LRRTM4: variants seen among roughly 807,000 people sequenced by gnomAD.
LRRTM4 encodes the protein leucine rich repeat transmembrane neuronal 4.
A neutral mutation model predicts 47.6 loss-of-function variants in LRRTM4; 25 were observed. The ratio of observed to expected loss-of-function variants is 0.53; its 90% confidence interval spans 0.38 to 0.73. The LOEUF (loss-of-function observed/expected upper bound fraction) is 0.73, where lower values mean the gene tolerates loss of function less well. Ranked by LOEUF, LRRTM4 falls within the 30% of genes least tolerant of loss-of-function variation. The pLI, the probability that LRRTM4 is intolerant of heterozygous loss-of-function variation, is 0.00. For synonymous variants in LRRTM4, 311 were observed against 269.5 expected (o/e 1.15, Z -1.51); for missense variants, 638 against 713.4 (o/e 0.89, Z 1.20).
chr2:76,755,852 G>A (rs1407176658), intron 3 of LRRTM4, among the ~76,000 whole-genome samples: 1 of 152,086 alleles, frequency 6.6e-6, no homozygotes, highest in Non-Finnish European at 1.5e-5. Flanking sequence ...CAAACTGACT[G>A]AACAGACCTT....
At chr2:77,339,851 G>A (rs774761115) in intron 3 of LRRTM4, among the ~76,000 whole-genome samples, 4 of 151,868 alleles carry the variant, frequency 2.6e-5, no homozygotes, top group African/African-American at 4.8e-5. Context: ...GGAAGCTTGC[G>A]TACTTTTATC....
At chr2:77,203,532 A>G (rs1573072560) in intron 3 of LRRTM4, among the ~76,000 whole-genome samples, 1 of 152,146 alleles carries the variant, frequency 6.6e-6, no homozygotes, top group Non-Finnish European at 1.5e-5. Flanking sequence ...GGATCCAGGA[A>G]CCCACTGCTA....
chr2:76,988,201 T>A (rs1047751453), intron 3 of LRRTM4, among the ~76,000 whole-genome samples: 2 of 151,792 alleles, frequency 1.3e-5, no homozygotes, highest in Non-Finnish European at 2.9e-5. Context: ...CGTCTTCCTA[T>A]TTTTTTGTCA....
chr2:77,081,186 A>G (rs984386931), intron 3 of LRRTM4, among the ~76,000 whole-genome samples: 6 of 151,246 alleles, frequency 4.0e-5, no homozygotes, highest in African/African-American at 1.2e-4. Context: ...CTAAGCCCCA[A>G]GAAGACAGTA....
At chr2:77,009,975 T>C (rs200462008) in intron 3 of LRRTM4, among the ~76,000 whole-genome samples, 1 of 145,634 alleles carries the variant, frequency 6.9e-6, no homozygotes, top group Non-Finnish European at 1.5e-5. Flanking sequence ...ACCCTTTTTT[T>C]AAAAAAAAAA....
intron 3 of LRRTM4, among the ~76,000 whole-genome samples, chr2:77,455,299 G>T (rs76326626): frequency 6.6e-6 from 1 of 152,248 alleles, no homozygotes; most frequent in Non-Finnish European, 1.5e-5. Flanking sequence ...TCAAATATTG[G>T]TTTTTATACT....
chr2:77,141,988 C>T (rs1672136034), intron 3 of LRRTM4, among the ~76,000 whole-genome samples: 1 of 152,138 alleles, frequency 6.6e-6, no homozygotes, highest in South Asian at 2.1e-4. Flanking sequence ...CTAGAATTCA[C>T]ATTTATGAGC....
chr2:77,361,866 T>G (rs1672225956), intron 3 of LRRTM4, among the ~76,000 whole-genome samples: 1 of 152,008 alleles, frequency 6.6e-6, no homozygotes, highest in African/African-American at 2.4e-5. Context: ...ATTCTTTCAC[T>G]AGAGGCCAGG....
chr2:77,178,855 G>A (rs1313574614), intron 3 of LRRTM4, among the ~76,000 whole-genome samples: 3 of 152,060 alleles, frequency 2.0e-5, no homozygotes, highest in Admixed American at 6.6e-5. Context: ...ATTTTAAAAC[G>A]TGATTCATAT....
intron 3 of LRRTM4, among the ~76,000 whole-genome samples, chr2:77,199,002 C>G (rs1181827046): frequency 6.6e-6 from 1 of 152,146 alleles, no homozygotes; most frequent in Non-Finnish European, 1.5e-5. Context: ...AGTGACATCT[C>G]CAACTTCTGA....
At chr2:77,212,600 TA>T in intron 3 of LRRTM4, among the ~76,000 whole-genome samples, 1 of 149,114 alleles carries the variant, frequency 6.7e-6, no homozygotes, top group South Asian at 2.1e-4. Flanking sequence ...CATTTAGAGA[TA>T]AACAAATGGT....
chr2:77,225,615 GTTAA>G (rs1300212354), intron 3 of LRRTM4, among the ~76,000 whole-genome samples: 1 of 152,070 alleles, frequency 6.6e-6, no homozygotes, highest in African/African-American at 2.4e-5. Flanking sequence ...TGTTAATTGA[GTTAA>G]TTAGTAATAC....
At chr2:77,158,008 T>C (rs552997611) in intron 3 of LRRTM4, among the ~76,000 whole-genome samples, 100 of 152,162 alleles carry the variant, frequency 6.6e-4, no homozygotes, top group African/African-American at 2.1e-3. Flanking sequence ...TTAACAAAAA[T>C]GGGTCTGACT....
intron 3 of LRRTM4, among the ~76,000 whole-genome samples, chr2:77,025,863 C>G (rs1678436710): frequency 6.6e-6 from 1 of 152,120 alleles, no homozygotes; most frequent in South Asian, 2.1e-4. Context: ...ATATACTCAG[C>G]AGGAGATCCT....
rs537752850 is a variant in LRRTM4, at chr2:76,891,487, G to T, written c.1552-142571C>A. On this transcript the variant is annotated intron_variant, in intron 3 of 3. Transcript: ENST00000409884. Reference sequence around the variant, plus strand: ...TGGATAAGATCCAGTTAGAATATTGGAAAAGTAAGCCAAATTTGTAATATC... The same window carrying T: ...TGGATAAGATCCAGTTAGAATATTGTAAAAGTAAGCCAAATTTGTAATATC... 2.0e-5 allele frequency among the ~76,000 whole-genome samples: 3 copies of T among 151,382 alleles called. No homozygotes were observed. The East Asian group carries it at 5.8e-4, about 29-fold the overall frequency.
chr2:77,049,157 T>TACATATATATATATAC (rs1679341983), intron 3 of LRRTM4, among the ~76,000 whole-genome samples: 2 of 106,378 alleles, frequency 1.9e-5, no homozygotes, highest in African/African-American at 1.0e-4. Context: ...TATATATATA[T>TACATATATATATATAC]ACACACACAC....
intron 3 of LRRTM4, among the ~76,000 whole-genome samples, chr2:77,309,397 T>C (rs1677383237): frequency 6.6e-6 from 1 of 152,174 alleles, no homozygotes; most frequent in Admixed American, 6.6e-5. Flanking sequence ...AGAATATCTC[T>C]AAAATTGGTG....
Position 77,487,123 on chromosome 2 carries a change from A to C in LRRTM4, c.1551+31195T>G, listed in dbSNP as rs532414357. Among the ~76,000 whole-genome samples the C allele has an allele frequency of 4.6e-5, 7 of 152,340 alleles. No individual in the cohort carries two copies. The South Asian group carries it at 1.2e-3, about 27-fold the overall frequency. On this transcript the variant is annotated intron_variant, in intron 3 of 3. Transcript: ENST00000409884. ...ACACCGGCTGCAGTGAGAGAGGCGC[A>C]GCCAGGGCTGCAGGATCCACAGAGC...
intron 3 of LRRTM4, among the ~76,000 whole-genome samples, chr2:76,786,269 T>G (rs1002334135): frequency 6.6e-6 from 1 of 152,084 alleles, no homozygotes; most frequent in Non-Finnish European, 1.5e-5. Context: ...TTCCAATTGA[T>G]CAATTTAAGT....
Sources: gnomAD v4.1 joint callset for allele counts (sites outside exome capture counted in the v4.1 genomes callset) on GRCh38, gnomAD v4.1.1 for gene constraint, MANE v1.5 for transcripts, NCBI Gene and HGNC (gene_info 2026-07-23, HGNC 2026-07-21) for gene names.